Variants in IQCK observed in about 807,000 individuals in gnomAD.
The protein encoded by IQCK is IQ motif containing K.
In IQCK, 29 loss-of-function variants were observed where a neutral mutation model predicts 28.1. The observed-to-expected ratio is 1.03, with a 90% CI of 0.77 to 1.41. IQCK has a LOEUF of 1.41. IQCK is among the 40% of genes most tolerant of loss of function. IQCK has a pLI of 0.00. For missense variants in IQCK, 359 were observed against 314.7 expected (o/e 1.14, Z -1.07); for synonymous variants, 113 against 115.1 (o/e 0.98, Z 0.12).
chr16:19,753,375 A>G (rs527393809), intron 4 of IQCK, among the ~76,000 whole-genome samples: 3 of 152,262 alleles, frequency 2.0e-5, no homozygotes, highest in Non-Finnish European at 2.9e-5. Flanking sequence ...GCAGTGAACT[A>G]TGATCATGCC....
rs117272477 is a variant in IQCK, at chr16:19,767,344, C to T, written c.605+3232C>T. On this transcript the variant is annotated intron_variant, in intron 6 of 7. Transcript: ENST00000564186. ...TTTGTGTACCAGAGAAATCAGATCA[C>T]ACGTGGGCTTGGAGAATGAGTGCAA... Among the ~76,000 whole-genome samples, 46 of 152,290 alleles carry T rather than the reference C, an allele frequency of 3.0e-4. 1 individual carries two copies. In the East Asian group the frequency reaches 7.3e-3, roughly 24 times the overall value.
chr16:19,764,422 A>T lies in IQCK; in HGVS notation c.605+310A>T, dbSNP rs1241911777. 16 of 213,110 alleles carry T rather than the reference A, an allele frequency of 7.5e-5. No individual in the cohort carries two copies. In the South Asian group the frequency reaches 1.2e-3, roughly 16 times the overall value. The allele number at this position is 213,110 out of a possible 1,614,324, so 13.2% of individuals were successfully genotyped here. The stretch of plus-strand genomic sequence containing the variant: ...CTCTGAATGTCATTATGTCTCAGGA[A>T]ATATGACTAAGCTTTTCTAAATACT... On this transcript the variant is annotated intron_variant, in intron 6 of 7. Coordinates refer to ENST00000564186, the Ensembl canonical transcript of IQCK.
Position 19,735,769 on chromosome 16 carries a change from A to G in IQCK, c.474+319A>G, listed in dbSNP as rs796198817. On this transcript the variant is annotated intron_variant, in intron 4 of 7. Transcript: ENST00000564186. ...CTTCTGTTTATTACATGCACTGATT[A>G]AAGCTCTCCTTGGCCGGGCACGGTG... The G allele has an allele frequency of 2.2e-5, 8 of 364,602 alleles. No homozygotes were observed. The East Asian group carries it at 4.7e-4, about 21-fold the overall frequency. The allele number at this position is 364,602 out of a possible 1,614,324, so 22.6% of individuals were successfully genotyped here.
At chr16:19,761,204 G>T (rs980232275) in intron 4 of IQCK, 12 of 346,736 alleles carry the variant, frequency 3.5e-5, no homozygotes, top group Non-Finnish European at 6.9e-5. Context: ...AGATGGAGTT[G>T]CTCTGGTTCA....
At chr16:19,765,686 A>T (rs2055224093) in intron 6 of IQCK, among the ~76,000 whole-genome samples, 1 of 152,038 alleles carries the variant, frequency 6.6e-6, no homozygotes, top group Middle Eastern at 3.2e-3. Flanking sequence ...GTTTTTTTTT[A>T]AATCTAAGAT....
intron 7 of IQCK, among the ~76,000 whole-genome samples, chr16:19,826,542 T>A (rs949939806): frequency 6.6e-6 from 1 of 152,102 alleles, no homozygotes; most frequent in East Asian, 1.9e-4. Context: ...CGCACTCAGC[T>A]AATTTTGGTA....
intron 1 of IQCK, among the ~76,000 whole-genome samples, chr16:19,727,798 T>C (rs1412512451): frequency 6.6e-6 from 1 of 151,972 alleles, no homozygotes; most frequent in Non-Finnish European, 1.5e-5. Flanking sequence ...TTCCACACTA[T>C]AGCAATGGTT....
At chr16:19,776,759 G>T (rs1461596876) in intron 6 of IQCK, among the ~76,000 whole-genome samples, 1 of 152,154 alleles carries the variant, frequency 6.6e-6, no homozygotes, top group East Asian at 1.9e-4. Flanking sequence ...TACTCTAATT[G>T]AAGTGTGATG....
chr16:19,733,789 G>A lies in IQCK; in HGVS notation c.338G>A (p.Cys113Tyr). Residue 113 changes from cysteine to tyrosine, a missense_variant, in exon 3 of 8, where the codon TGT becomes TAT. Coordinates refer to ENST00000564186, the Ensembl canonical transcript of IQCK. ...TTCACCATGATCTCACGTACACCCT[G>A]TCCTCAAGATAAATCGGAAACAATC... 2.5e-6 allele frequency: 4 copies of A among 1,614,116 alleles called. No homozygotes were observed. The highest frequency in any genetic ancestry group is 3.4e-6 in the Non-Finnish European group (4 of 1,179,984).
Position 19,850,637 on chromosome 16 carries a change from G to C in IQCK, c.803-5850G>C, listed in dbSNP as rs111770533. Among the ~76,000 whole-genome samples, 162 of 152,240 alleles carry C rather than the reference G, an allele frequency of 1.1e-3. 1 individual carries two copies. The highest frequency in any genetic ancestry group is 3.7e-3 in the African/African-American group (155 of 41,536). ...TCTCCCCGCAGTATGTGAGCATCTCGTGGTTCGTACAATTTCCTGTTGATT... is the reference window on the plus strand; with the variant it reads ...TCTCCCCGCAGTATGTGAGCATCTCCTGGTTCGTACAATTTCCTGTTGATT... On this transcript the variant is annotated intron_variant, in intron 9 of 9. Transcript: ENST00000320394.
intron 1 of IQCK, among the ~76,000 whole-genome samples, chr16:19,724,472 C>T (rs114975553): frequency 6.6e-6 from 1 of 152,116 alleles, no homozygotes; most frequent in Non-Finnish European, 1.5e-5. Flanking sequence ...TCTTCCTGTT[C>T]CATCCCCTTC....
chr16:19,821,448 C>T lies in IQCK; in HGVS notation c.691-5578C>T, dbSNP rs556883020. ...TTTAAACAAAAACTCGCCTGTAATC[C>T]CAGCACTCTGGGAGACCGAGGCGGG... On this transcript the variant is annotated intron_variant, in intron 7 of 7. Transcript: ENST00000564186. Among the ~76,000 whole-genome samples, 7 of 152,304 alleles carry T rather than the reference C, an allele frequency of 4.6e-5. 1 individual carries two copies. Among genetic ancestry groups the T allele is most frequent in the African/African-American group, 1.4e-4 (6 of 41,568 alleles).
intron 6 of IQCK, among the ~76,000 whole-genome samples, chr16:19,774,775 C>T (rs1597546816): frequency 6.6e-6 from 1 of 152,174 alleles, no homozygotes; most frequent in Non-Finnish European, 1.5e-5. Context: ...GGAAACATGA[C>T]ATGTAGAAAC....
At chr16:19,799,582 T>TTATATATA (rs1160831482) in intron 7 of IQCK, among the ~76,000 whole-genome samples, 1 of 116,762 alleles carries the variant, frequency 8.6e-6, no homozygotes, top group African/African-American at 4.5e-5. Context: ...ATATTTTATT[T>TTATATATA]TATATATATA....
chr16:19,729,395 C>G (rs543792871), intron 1 of IQCK, among the ~76,000 whole-genome samples: 7 of 151,892 alleles, frequency 4.6e-5, no homozygotes, highest in Middle Eastern at 3.2e-3. Flanking sequence ...CGTGAGCCAC[C>G]GCTCCCAGCT....
At chr16:19,764,007 T>C (rs200899772) in intron 5 of IQCK, 28 bp from the exon 6 acceptor site, 1 of 1,608,442 alleles carries the variant, frequency 6.2e-7, no homozygotes, top group Non-Finnish European at 8.5e-7. Context: ...TGTTTTCTTG[T>C]CAATCAAACA....
At chr16:19,727,596 C>A (rs957489009) in intron 1 of IQCK, among the ~76,000 whole-genome samples, 1 of 147,042 alleles carries the variant, frequency 6.8e-6, no homozygotes, top group Non-Finnish European at 1.5e-5. Context: ...CCCCCCCCCC[C>A]CAAAAAAAAA....
At chr16:19,751,910 G>C (rs1269643171) in intron 4 of IQCK, among the ~76,000 whole-genome samples, 1 of 152,124 alleles carries the variant, frequency 6.6e-6, no homozygotes, top group Non-Finnish European at 1.5e-5. Context: ...GCCTTCCTGA[G>C]TGCCCCTGGG....
chr16:19,781,451 G>T (rs761085480), intron 6 of IQCK, among the ~76,000 whole-genome samples: 1 of 152,132 alleles, frequency 6.6e-6, no homozygotes, highest in African/African-American at 2.4e-5. Flanking sequence ...ATCTCCCAGG[G>T]TAGAGATTAG....
Sources: allele counts gnomAD v4.1 joint callset (sites outside exome capture counted in the v4.1 genomes callset), GRCh38; gene constraint gnomAD v4.1.1; transcripts MANE v1.5; gene names NCBI Gene and HGNC (gene_info 2026-07-23, HGNC 2026-07-21).